Variants in KCNK9 observed in about 807,000 individuals in gnomAD.
The protein encoded by KCNK9 is potassium channel subfamily K member 9.
KCNK9 carries 1 observed loss-of-function variant against 10.8 expected under a neutral mutation model. The observed-to-expected ratio is 0.09, with a 90% CI of 0.03 to 0.44. KCNK9 has a LOEUF of 0.44. KCNK9 is among the 20% of genes least tolerant of loss of function. The probability of loss-of-function intolerance (pLI) is 0.97; values close to 1 mark genes in which losing one functional copy is unlikely to be tolerated. For synonymous variants in KCNK9, 231 were observed against 222.7 expected (o/e 1.04, Z -0.33); for missense variants, 303 against 515.0 (o/e 0.59, Z 3.98).
intron 1 of KCNK9, among the ~76,000 whole-genome samples, chr8:139,667,748 A>G (rs1816334599): frequency 6.6e-6 from 1 of 152,060 alleles, no homozygotes. Context: ...AAATGAAATA[A>G]CCTACACCTC....
At chr8:139,689,196 GAA>G (rs1020698637) in intron 1 of KCNK9, among the ~76,000 whole-genome samples, 2 of 152,056 alleles carry the variant, frequency 1.3e-5, no homozygotes, top group Non-Finnish European at 2.9e-5. Context: ...AGAACTGTGA[GAA>G]AAAAAGTATT....
At chr8:139,671,722 G>A (rs1160016633) in intron 1 of KCNK9, among the ~76,000 whole-genome samples, 1 of 151,794 alleles carries the variant, frequency 6.6e-6, no homozygotes, top group Non-Finnish European at 1.5e-5. Context: ...ATTGTTTTTT[G>A]TATTTTCAAC....
intron 1 of KCNK9, among the ~76,000 whole-genome samples, chr8:139,684,036 T>C (rs918331391): frequency 1.3e-5 from 2 of 152,152 alleles, no homozygotes; most frequent in African/African-American, 4.8e-5. Flanking sequence ...GCCAATACAC[T>C]AAGGAAGACA....
At chr8:139,607,000 C>T (rs1563709713) in intron 2 of KCNK9, among the ~76,000 whole-genome samples, 1 of 152,162 alleles carries the variant, frequency 6.6e-6, no homozygotes, top group African/African-American at 2.4e-5. Context: ...CACAAAACGG[C>T]TGTCAAAATG....
Position 139,626,308 on chromosome 8 carries a change from G to A in KCNK9, c.284-7209C>T, listed in dbSNP as rs1226476042. ...GCCCTCCACTGTGGAGCTTATTCAG[G>A]GGAGAGGTAGACAGAGCAGGGCCTT... On this transcript the variant is annotated intron_variant, in intron 1 of 1. Transcript: ENST00000520439. Among the ~76,000 whole-genome samples, 3 of 152,156 alleles carry A rather than the reference G, an allele frequency of 2.0e-5. No homozygotes were observed. In the East Asian group the frequency reaches 5.8e-4, roughly 29 times the overall value.
chr8:139,674,443 G>C (rs916308635), intron 1 of KCNK9, among the ~76,000 whole-genome samples: 51 of 152,180 alleles, frequency 3.4e-4, no homozygotes, highest in African/African-American at 1.2e-3. Flanking sequence ...AGTATAGGGG[G>C]CCAGGGCCAG....
intron 1 of KCNK9, among the ~76,000 whole-genome samples, chr8:139,628,598 C>T (rs2130128809): frequency 6.6e-6 from 1 of 152,302 alleles, no homozygotes; most frequent in East Asian, 1.9e-4. Context: ...TGGCAACTGG[C>T]TTATTCTCAG....
rs190435776 is a variant in KCNK9, at chr8:139,653,701, C to T, written c.284-34602G>A. 2.8e-4 allele frequency among the ~76,000 whole-genome samples: 42 copies of T among 152,254 alleles called. 1 individual carries two copies. The highest frequency in any genetic ancestry group is 3.4e-3 in the Middle Eastern group (1 of 294). Reference sequence around the variant, plus strand: ...AATAGATACTCAAACGCAAATCAGACAACACAAGGGAAAGTGCTTTCAAAA... The same window carrying T: ...AATAGATACTCAAACGCAAATCAGATAACACAAGGGAAAGTGCTTTCAAAA... On this transcript the variant is annotated intron_variant, in intron 1 of 1. Coordinates refer to ENST00000520439, the MANE Select transcript of KCNK9 (RefSeq NM_001282534.2).
At chr8:139,632,971 T>A (rs1233500571) in intron 1 of KCNK9, among the ~76,000 whole-genome samples, 1 of 152,052 alleles carries the variant, frequency 6.6e-6, no homozygotes, top group Non-Finnish European at 1.5e-5. Context: ...TTCAACAACA[T>A]GCGAGAAGAA....
chr8:139,641,981 G>A (rs1239170410), intron 1 of KCNK9, among the ~76,000 whole-genome samples: 1 of 152,216 alleles, frequency 6.6e-6, no homozygotes, highest in Non-Finnish European at 1.5e-5. Context: ...CTCAGCTCAG[G>A]AAGAGGAGCC....
At chr8:139,682,088 G>A (rs980656397) in intron 1 of KCNK9, among the ~76,000 whole-genome samples, 3 of 152,332 alleles carry the variant, frequency 2.0e-5, no homozygotes, top group South Asian at 2.1e-4. Context: ...GGAGAAGCCC[G>A]GCTCCGAAAG....
chr8:139,604,508 C>A (rs184902110), intron 2 of KCNK9, among the ~76,000 whole-genome samples: 2 of 152,122 alleles, frequency 1.3e-5, no homozygotes, highest in African/African-American at 4.8e-5. Flanking sequence ...GAGCACAAGC[C>A]GGGCACGCAG....
At chr8:139,616,358 A>G (rs1340172390), downstream of KCNK9, 3 of 152,244 alleles carry the variant, frequency 2.0e-5, no homozygotes, top group African/African-American at 7.2e-5. Context: ...ATTAAACAAA[A>G]TCTTAAAACA....
chr8:139,623,040 A>C (rs967250920), intron 1 of KCNK9, among the ~76,000 whole-genome samples: 1 of 152,222 alleles, frequency 6.6e-6, no homozygotes, highest in East Asian at 1.9e-4. Context: ...CACATGACAC[A>C]GGCTGTGTAT....
At chr8:139,657,912 CCAGGAT>C (rs1422625915) in intron 1 of KCNK9, among the ~76,000 whole-genome samples, 2 of 152,148 alleles carry the variant, frequency 1.3e-5, no homozygotes, top group Admixed American at 1.3e-4. Context: ...GCCCCTGCTC[CCAGGAT>C]TCTCCCTGTC....
rs114135475 is a variant in KCNK9, at chr8:139,650,281, A to G, written c.284-31182T>C. Among the ~76,000 whole-genome samples the G allele has an allele frequency of 7.2e-3, 1,093 of 152,278 alleles. 14 individuals are homozygous for G. Among genetic ancestry groups the G allele is most frequent in the African/African-American group, 0.025 (1,027 of 41,530 alleles). On this transcript the variant is annotated intron_variant, in intron 1 of 1. Coordinates refer to ENST00000520439, the MANE Select transcript of KCNK9 (RefSeq NM_001282534.2). Reference sequence around the variant, plus strand: ...TGCTAACCAGGCAGAGCCTTAGCTCACTCACGTTACTTCACAGCTCGGAGT... The same window carrying G: ...TGCTAACCAGGCAGAGCCTTAGCTCGCTCACGTTACTTCACAGCTCGGAGT...
chr8:139,627,296 C>A (rs1815008074), intron 1 of KCNK9, among the ~76,000 whole-genome samples: 1 of 152,170 alleles, frequency 6.6e-6, no homozygotes, highest in Non-Finnish European at 1.5e-5. Context: ...TATAACACAA[C>A]CCCTATTTCT....
At position 139,621,072 on chromosome 8, in the gene KCNK9, CA is replaced by C. The variant is rs549167169; in HGVS notation, c.284-1974del. Among the ~76,000 whole-genome samples the C allele has an allele frequency of 3.2e-4, 48 of 152,224 alleles. 1 individual carries two copies. Among genetic ancestry groups the C allele is most frequent in the Middle Eastern group, 3.4e-3 (1 of 294 alleles). On this transcript the variant is annotated intron_variant, in intron 1 of 1. Transcript: ENST00000520439. Reference sequence around the variant, plus strand: ...CCAAGGCAGATGGATCACTTGAGGCCAGGAGTTTGAGACCAGCCTGGCCAAC... The same window carrying C: ...CCAAGGCAGATGGATCACTTGAGGCCGGAGTTTGAGACCAGCCTGGCCAAC...
At position 139,643,922 on chromosome 8, in the gene KCNK9, C is replaced by G. The variant is rs187776759; in HGVS notation, c.284-24823G>C. On this transcript the variant is annotated intron_variant, in intron 1 of 1. Transcript: ENST00000520439. ...GTCGAGGGGGCTCTTCCCACACCTG[C>G]CCTGGAATCCAGCTCTCTGGTCCCG... is the stretch of plus-strand genomic sequence containing the variant. Among the ~76,000 whole-genome samples the G allele has an allele frequency of 2.1e-3, 323 of 152,358 alleles. 1 individual carries two copies. The highest frequency in any genetic ancestry group is 7.6e-3 in the African/African-American group (315 of 41,588).
Sources: allele counts gnomAD v4.1 joint callset (sites outside exome capture counted in the v4.1 genomes callset), GRCh38; gene constraint gnomAD v4.1.1; transcripts MANE v1.5; gene names NCBI Gene and HGNC (gene_info 2026-07-23, HGNC 2026-07-21).